The following TAS1R2 variants were observed in gnomAD, a reference collection of about 807,000 sequenced individuals.
The protein encoded by TAS1R2 is taste receptor type 1 member 2.
TAS1R2 carries 47 observed loss-of-function variants against 49.3 expected under a neutral mutation model. The ratio of observed to expected loss-of-function variants is 0.95; its 90% CI spans 0.75 to 1.22. The LOEUF (loss-of-function observed/expected upper bound fraction) is 1.22. Ranked by LOEUF, TAS1R2 falls within the 50% of genes most tolerant of loss-of-function variation. TAS1R2 has a pLI of 0.00. For synonymous variants in TAS1R2, 479 were observed against 467.9 expected, an observed-to-expected ratio of 1.02 and a Z score of -0.31; for missense variants, 1,155 against 1,122.1, an observed-to-expected ratio of 1.03 and a Z score of -0.42.
At position 18,854,705 on chromosome 1, in the gene TAS1R2, C is replaced by G; in HGVS notation, c.765G>C (p.Gln255His). 1 of 1,613,572 alleles carries G rather than the reference C, an allele frequency of 6.2e-7. No homozygotes were observed. The highest frequency in any genetic ancestry group is 1.7e-5 in the Admixed American group (1 of 59,996). Residue 255 changes from glutamine (Q) to histidine (H), a missense_variant, in exon 3 of 6, where the codon CAG becomes CAC. Gln to His is a conservative substitution (Grantham distance 24). Coordinates refer to ENST00000375371, the Ensembl canonical transcript of TAS1R2. This position sits in a 1 kb window ranked among gnomAD's most constrained non-coding sequence, Gnocchi z 4.9. Reference sequence around the variant, plus strand: ...GCTTGTCCACAATGGTCACCAGGCGCTGGCGCTCCTCTGACGTCATGTTCT... The same window carrying G: ...GCTTGTCCACAATGGTCACCAGGCGGTGGCGCTCCTCTGACGTCATGTTCT...
intron 2 of TAS1R2, among the ~76,000 whole-genome samples, chr1:18,855,233 T>C (rs1934118546): frequency 6.6e-6 from 1 of 150,606 alleles, no homozygotes; most frequent in Non-Finnish European, 1.5e-5. Context: ...ACCTACTGTG[T>C]ACCACACCCT....
intron 3 of TAS1R2, 97 bp from the exon 4 acceptor site, chr1:18,849,647 T>C (rs1276771418): frequency 2.2e-6 from 3 of 1,367,918 alleles, no homozygotes; most frequent in Non-Finnish European, 3.0e-6. Flanking sequence ...CCATTAGCCT[T>C]GATTTCCAAC....
chr1:18,853,488 ATTTG>A (rs1934068157), intron 3 of TAS1R2, among the ~76,000 whole-genome samples: 1 of 152,172 alleles, frequency 6.6e-6, no homozygotes, highest in African/African-American at 2.4e-5. Flanking sequence ...GAGCAAACTA[ATTTG>A]TTCTGTTAAG....
At chr1:18,857,496 G>T (rs1373709273) in exon 2 of TAS1R2, 1 of 1,614,210 alleles carries the variant, frequency 6.2e-7, no homozygotes, top group East Asian at 2.2e-5. Flanking sequence ...GCTGGACATT[G>T]TTGGAGATGT....
chr1:18,853,334 T>C (rs1180518258), intron 3 of TAS1R2, among the ~76,000 whole-genome samples: 2 of 152,334 alleles, frequency 1.3e-5, no homozygotes, highest in Non-Finnish European at 2.9e-5. Flanking sequence ...CAATACACAG[T>C]ATTTTTACCA....
At position 18,846,263 on chromosome 1, in the gene TAS1R2, G is replaced by A. The variant is rs547125059; in HGVS notation, c.1467+3078C>T. Among the ~76,000 whole-genome samples the A allele has an allele frequency of 8.3e-4, 126 of 152,346 alleles. 2 individuals carry two copies. The South Asian group carries it at 0.025, about 30-fold the overall frequency. On this transcript the variant is annotated intron_variant, in intron 4 of 5. Coordinates refer to ENST00000375371, the Ensembl canonical transcript of TAS1R2. ...CCACAGAGCAACCCCTGACCACCAGGTGATGGGAGCTAGTGGATTACTGCC... is the reference window on the plus strand; with the variant it reads ...CCACAGAGCAACCCCTGACCACCAGATGATGGGAGCTAGTGGATTACTGCC...
intron 5 of TAS1R2, among the ~76,000 whole-genome samples, chr1:18,840,910 G>T (rs1158869074): frequency 1.3e-5 from 2 of 152,166 alleles, no homozygotes; most frequent in African/African-American, 4.8e-5. Flanking sequence ...ACGTGTTTTT[G>T]AGCACCATCC....
intron 4 of TAS1R2, 92 bp from the exon 5 acceptor site, chr1:18,841,944 G>T: frequency 2.0e-5 from 25 of 1,237,356 alleles, no homozygotes; most frequent in East Asian, 9.6e-5. Flanking sequence ...TTCAGGGGAG[G>T]AAGCCTAGAA....
chr1:18,847,997 C>T (rs114177537), intron 4 of TAS1R2, among the ~76,000 whole-genome samples: 3,913 of 152,312 alleles, frequency 0.026, 81 homozygotes, highest in South Asian at 0.062. Flanking sequence ...TATCCACTAT[C>T]AGGAGAACAG....
exon 6 of TAS1R2, chr1:18,840,120 G>C: frequency 6.2e-7 from 1 of 1,614,282 alleles, no homozygotes; most frequent in South Asian, 1.1e-5. Context: ...CTGTAGGCGC[G>C]TGGGAAGCGG....
In TAS1R2 at chr1:18,857,611, C is replaced by A. The variant is rs774804541; in HGVS notation, c.203G>T (p.Gly68Val). ...GCGCATGGCCTGCATGAGGTTGTAG[C>A]CTATCACCTTCACTTCATACCTGGA... Residue 68 changes from glycine (G) to valine (V), a missense_variant, in exon 2 of 6, where the codon GGC (glycine) becomes GTC (valine). Gly to Val is a moderately radical substitution (Grantham distance 109). Coordinates refer to ENST00000375371, the Ensembl canonical transcript of TAS1R2. The A allele has an allele frequency of 9.9e-6, 16 of 1,613,394 alleles. No individual in the cohort carries two copies. Among genetic ancestry groups the A allele is most frequent in the Non-Finnish European group, 1.3e-5 (15 of 1,179,752 alleles).
At chr1:18,850,018 G>A (rs984196201) in intron 3 of TAS1R2, among the ~76,000 whole-genome samples, 2 of 152,108 alleles carry the variant, frequency 1.3e-5, no homozygotes, top group Non-Finnish European at 2.9e-5. Flanking sequence ...AGAGTCCACT[G>A]TCTCTGTCAC....
chr1:18,856,842 T>C (rs1198768052), intron 2 of TAS1R2, among the ~76,000 whole-genome samples: 1 of 152,240 alleles, frequency 6.6e-6, no homozygotes, highest in Non-Finnish European at 1.5e-5. Context: ...GTAATACAAA[T>C]CACCCTTTTG....
exon 6 of TAS1R2, chr1:18,840,369 G>C (rs1337459816): frequency 6.2e-7 from 1 of 1,614,168 alleles, no homozygotes; most frequent in South Asian, 1.1e-5. Context: ...AATATCACCA[G>C]GATGGCCAGG....
At position 18,854,829 on chromosome 1, in the gene TAS1R2, G is replaced by C. The variant is rs768941614; in HGVS notation, c.641C>G (p.Thr214Ser). Residue 214 changes from threonine (T) to serine (S), a missense_variant, in exon 3 of 6, where the codon ACC becomes AGC. Coordinates refer to ENST00000375371, the Ensembl canonical transcript of TAS1R2. This position sits in a 1 kb window ranked among gnomAD's most constrained non-coding sequence, Gnocchi z 4.9. The stretch of plus-strand genomic sequence containing the variant: ...CAGCTGGCCATTGTCGCGGCCATAG[G>C]TGTCGCTGCTCACCAGCACAATGAT... 6.2e-7 allele frequency: 1 copy of C among 1,608,196 alleles called. No homozygotes were observed. The highest frequency in any genetic ancestry group is 1.7e-5 in the Admixed American group (1 of 59,826).
intron 4 of TAS1R2, among the ~76,000 whole-genome samples, chr1:18,848,759 G>T (rs57121661): frequency 3.0e-4 from 46 of 152,154 alleles, no homozygotes; most frequent in African/African-American, 1.1e-3. Context: ...CTCCTTATGA[G>T]AATCTAATGT....
intron 5 of TAS1R2, among the ~76,000 whole-genome samples, chr1:18,841,083 T>C (rs1221749767): frequency 6.6e-6 from 1 of 152,236 alleles, no homozygotes; most frequent in East Asian, 1.9e-4. Flanking sequence ...ACATATTAAA[T>C]ACTTGCATTG....
At chr1:18,843,541 GC>G (rs1933864807) in intron 4 of TAS1R2, among the ~76,000 whole-genome samples, 1 of 152,202 alleles carries the variant, frequency 6.6e-6, no homozygotes, top group African/African-American at 2.4e-5. Context: ...GATTCAGAAG[GC>G]TTTCAGTTTC....
intron 2 of TAS1R2, among the ~76,000 whole-genome samples, chr1:18,856,073 A>G (rs1442912444): frequency 1.3e-5 from 2 of 151,630 alleles, no homozygotes; most frequent in African/African-American, 4.9e-5. Context: ...TCTTCTCAGA[A>G]CTCCTCAACA....
Sources: gnomAD v4.1 joint callset for allele counts (sites outside exome capture counted in the v4.1 genomes callset) on GRCh38, gnomAD v4.1.1 for gene constraint, Gnocchi (gnomAD v3.1) non-coding constraint, MANE v1.5 for transcripts, NCBI Gene and HGNC (gene_info 2026-07-23, HGNC 2026-07-21) for gene names.